The following FADS6 variants were observed in gnomAD, a reference collection of about 807,000 sequenced individuals.
FADS6 encodes the protein fatty acid desaturase domain family, member 6.
A neutral mutation model predicts 31.7 loss-of-function variants in FADS6; 28 were observed. The observed-to-expected ratio is 0.88, with a 90% confidence interval of 0.66 to 1.21. The LOEUF is 1.21. Ranked by LOEUF, FADS6 falls within the 50% of genes most tolerant of loss-of-function variation. The probability of loss-of-function intolerance (pLI) is 0.00; values close to 1 mark genes in which losing one functional copy is unlikely to be tolerated. For missense variants in FADS6, 494 were observed against 504.2 expected, an observed-to-expected ratio of 0.98 and a Z score of 0.19; for synonymous variants, 191 against 213.1, an observed-to-expected ratio of 0.90 and a Z score of 0.90.
At chr17:74,880,293 C>T (rs891753552) in intron 4 of FADS6, among the ~76,000 whole-genome samples, 8 of 152,142 alleles carry the variant, frequency 5.3e-5, no homozygotes, top group Admixed American at 2.0e-4. Flanking sequence ...TACTGCTTGG[C>T]ATCCGCGCAT....
At chr17:74,875,402 TACTTCATTCACTCCTGTC>T (rs1229648249), downstream of FADS6, among the ~76,000 whole-genome samples, 1 of 152,214 alleles carries the variant, frequency 6.6e-6, no homozygotes, top group East Asian at 1.9e-4. Flanking sequence ...GATCTGGATA[TACTTCATTCACTCCTGTC>T]ACCTCCCTCA....
At position 74,893,488 on chromosome 17, in the gene FADS6, G is replaced by C; in HGVS notation, c.108C>G (p.Ser36Arg). Reference protein sequence around the residue: ...EPTEPMEPARSAHRGGEALLR... With the variant: ...EPTEPMEPARRAHRGGEALLR... ...GCAGCGCCTCGCCCCCACGGTGCGC[G>C]CTCCGCGCCGGTTCCATGGGCTCCG... Residue 36 changes from serine to arginine, a missense_variant, in exon 1 of 6, where the codon AGC (serine) becomes AGG (arginine). Around this residue, in one of 2 missense-constraint regions of FADS6, gnomAD observed 40 missense variants for 65.7 expected, o/e 0.61. Transcript: ENST00000612771. The C allele has an allele frequency of 6.3e-7, 1 of 1,592,648 alleles. No homozygotes were observed. Among genetic ancestry groups the C allele is most frequent in the Non-Finnish European group, 8.5e-7 (1 of 1,171,432 alleles).
chr17:74,883,001 A>C, intron 2 of FADS6: 3 of 592,558 alleles, frequency 5.1e-6, no homozygotes, highest in Non-Finnish European at 8.5e-6. Flanking sequence ...TGCCCAGGCA[A>C]TGAGTCTCAG....
In FADS6 at chr17:74,879,495, G is replaced by A; in HGVS notation, c.869C>T (p.Pro290Leu). ...GTGGCCGAACGCCCAGTCCAGCACG[G>A]GCAGCCGGGCCAGGTTAAGCACCCC... ...SLGVLNLARLPVLDWAFGHSI... is the reference protein window; with the variant it reads ...SLGVLNLARLLVLDWAFGHSI... The change falls in exon 5 of 6, where the codon CCC (proline) becomes CTC (leucine). Residue 290 changes from proline to leucine, a missense_variant. Physicochemically the swap from Pro to Leu is moderately conservative, Grantham distance 98 (BLOSUM62 -3). Transcript: ENST00000612771. 1 of 1,613,874 alleles carries A rather than the reference G, an allele frequency of 6.2e-7. No homozygotes were observed.
At chr17:74,889,870 CA>C (rs59381032) in intron 2 of FADS6, among the ~76,000 whole-genome samples, 895 of 53,386 alleles carry the variant, frequency 0.017, 4 homozygotes, top group Middle Eastern at 0.083. Context: ...GACTCAGTCT[CA>C]AAAAAAAAAA....
At position 74,888,825 on chromosome 17, in the gene FADS6, C is replaced by T. The variant is rs116431325; in HGVS notation, c.411+3698G>A. Among the ~76,000 whole-genome samples the T allele has an allele frequency of 2.2e-3, 331 of 152,286 alleles. 1 individual carries two copies. Among genetic ancestry groups the T allele is most frequent in the African/African-American group, 7.7e-3 (319 of 41,554 alleles). On this transcript the variant is annotated intron_variant, in intron 2 of 5. Transcript: ENST00000612771. ...TTCCCAAGCTTCGGGGCTTAAATTA[C>T]GGGGGCCTGCCCATCCCACACTGCC...
downstream of FADS6, among the ~76,000 whole-genome samples, chr17:74,876,985 G>A (rs1435938026): frequency 6.6e-6 from 1 of 151,998 alleles, no homozygotes; most frequent in Non-Finnish European, 1.5e-5. Context: ...TCTCAGTGGT[G>A]TCCCCCAGCA....
chr17:74,886,458 TAAAAAAAAAAAA>T (rs60503024), intron 2 of FADS6, among the ~76,000 whole-genome samples: 3 of 82,926 alleles, frequency 3.6e-5, no homozygotes, highest in African/African-American at 5.1e-5. Flanking sequence ...AAATCCTGTC[TAAAAAAAAAAAA>T]AAAAAAAAAA....
At chr17:74,890,551 G>A (rs776251756) in intron 2 of FADS6, among the ~76,000 whole-genome samples, 4 of 152,150 alleles carry the variant, frequency 2.6e-5, no homozygotes, top group Admixed American at 6.5e-5. Context: ...CCCCAGCTTC[G>A]AGGGGGCTTG....
In FADS6 at chr17:74,878,236, C is replaced by T; in HGVS notation, c.*95G>A. The stretch of plus-strand genomic sequence containing the variant: ...CGGTGCCTCCACTCTCCAGGTCCAC[C>T]ACCAGCCACTGAGCCACACCCCCTG... On this transcript the variant is annotated 3_prime_UTR_variant, in exon 6 of 6. Coordinates refer to ENST00000612771, the MANE Select transcript of FADS6 (RefSeq NM_178128.6). 1.4e-6 allele frequency: 2 copies of T among 1,477,262 alleles called. No homozygotes were observed. The highest frequency in any genetic ancestry group is 2.8e-5 in the South Asian group (2 of 72,512). 91.5% of individuals were successfully genotyped at this position (1,477,262 alleles called of 1,614,324 possible).
At chr17:74,878,753 C>A (rs1336182304) in intron 5 of FADS6, among the ~76,000 whole-genome samples, 1 of 152,234 alleles carries the variant, frequency 6.6e-6, no homozygotes, top group Admixed American at 6.5e-5. Context: ...TTTTACCAAG[C>A]ACCTACCATG....
Position 74,881,210 on chromosome 17 carries a change from G to A in FADS6, c.638C>T (p.Ala213Val). 2 of 1,609,244 alleles carry A rather than the reference G, an allele frequency of 1.2e-6. No individual in the cohort carries two copies. Among genetic ancestry groups the A allele is most frequent in the Non-Finnish European group, 1.7e-6 (2 of 1,177,864 alleles). Residue 213 changes from alanine (A) to valine (V), a missense_variant, in exon 4 of 6, where the codon GCC (alanine) becomes GTC (valine). By Grantham distance (64) the Ala-to-Val change is moderately conservative. Coordinates refer to ENST00000612771, the MANE Select transcript of FADS6 (RefSeq NM_178128.6). Reference protein sequence around the residue: ...VELGTALRTLALISLGLYSHY... With the variant: ...VELGTALRTLVLISLGLYSHY... ...AGAATAAAGGCCCAGAGAAATCAGG[G>A]CCAGCGTCCGCAGGGCTGTCCCGAG...
chr17:74,886,857 G>A lies in FADS6; in HGVS notation c.412-4147C>T, dbSNP rs1266784706. On this transcript the variant is annotated intron_variant, in intron 2 of 5. Coordinates refer to ENST00000612771, the MANE Select transcript of FADS6 (RefSeq NM_178128.6). The stretch of plus-strand genomic sequence containing the variant: ...TTGTTCTGTCTGAAGCCACCTTCCT[G>A]CTCCTTAGTTTGGCCAACTCTGTCC... Among the ~76,000 whole-genome samples the A allele has an allele frequency of 2.6e-5, 4 of 151,918 alleles. No homozygotes were observed. The East Asian group carries it at 7.7e-4, about 29-fold the overall frequency.
intron 2 of FADS6, among the ~76,000 whole-genome samples, chr17:74,887,846 C>G (rs960635570): frequency 6.6e-6 from 1 of 152,130 alleles, no homozygotes; most frequent in African/African-American, 2.4e-5. Flanking sequence ...CCACCACGCC[C>G]GGCTACCTTT....
intron 1 of FADS6, 28 bp downstream of exon 1, chr17:74,893,324 C>T: frequency 6.7e-7 from 1 of 1,501,356 alleles, no homozygotes; most frequent in Non-Finnish European, 8.8e-7. Context: ...GCAGCCCGGC[C>T]GGGACGCCGG....
intron 2 of FADS6, among the ~76,000 whole-genome samples, chr17:74,890,908 G>A (rs760844425): frequency 5.9e-5 from 9 of 152,074 alleles, no homozygotes; most frequent in Non-Finnish European, 1.3e-4. Context: ...TGTGGAACTT[G>A]GTAAAAACAC....
chr17:74,888,341 T>G (rs2038653074), intron 2 of FADS6, among the ~76,000 whole-genome samples: 1 of 152,124 alleles, frequency 6.6e-6, no homozygotes, highest in South Asian at 2.1e-4. Flanking sequence ...CAAAAGTATA[T>G]TTTGTACTGC....
Position 74,888,144 on chromosome 17 carries a change from ACACACACACACGCGCG to A in FADS6, c.411+4363_411+4378del, listed in dbSNP as rs1208466817. Among the ~76,000 whole-genome samples the A allele has an allele frequency of 1.8e-3, 206 of 113,846 alleles. 2 individuals are homozygous for A. The highest frequency in any genetic ancestry group is 6.0e-3 in the South Asian group (14 of 2,352). The allele number at this position is 113,846 out of a possible 152,430, so 74.7% of individuals were successfully genotyped here. A position where few individuals can be genotyped will look rare whatever the true frequency, so the allele number is the denominator to read the frequency against. ...TGAGACACCACACACACACACACAC[ACACACACACACGCGCG>A]CGCGCGCGCGCGCAGAGTACCAATG... On this transcript the variant is annotated intron_variant, in intron 2 of 5. Coordinates refer to ENST00000612771, the MANE Select transcript of FADS6 (RefSeq NM_178128.6).
In FADS6 at chr17:74,881,052, G is replaced by A. The variant is rs372677168; in HGVS notation, c.780+16C>T. ...TCCCCTTAGCTGCCCAGCGCCCCAG[G>A]TTGGGGTGGCCTCACCTGGAAGATG... On this transcript the variant is annotated intron_variant, in intron 4 of 5. Transcript: ENST00000612771. 74 of 1,607,854 alleles carry A rather than the reference G, an allele frequency of 4.6e-5. No homozygotes were observed. In the African/African-American group the frequency reaches 9.5e-4, roughly 21 times the overall value.
Sources: allele counts gnomAD v4.1 joint callset (sites outside exome capture counted in the v4.1 genomes callset), GRCh38; gene constraint gnomAD v4.1.1; regional missense constraint gnomAD v4.1.1; transcripts MANE v1.5; gene names NCBI Gene and HGNC (gene_info 2026-07-23, HGNC 2026-07-21).